The following ERICH3 variants were observed in gnomAD, a reference collection of about 807,000 sequenced individuals.
ERICH3 encodes the protein glutamate rich 3.
ERICH3 carries 126 observed loss-of-function variants against 131.1 expected under a neutral mutation model. That is an observed-to-expected ratio of 0.96 (90% confidence interval 0.83 to 1.11). The LOEUF is 1.11. Ranked by LOEUF, ERICH3 falls within the 50% of genes most tolerant of loss-of-function variation. The pLI is 0.00. For missense variants in ERICH3, 2,050 were observed against 1,810.7 expected (o/e 1.13, Z -2.40); for synonymous variants, 695 against 644.6 (o/e 1.08, Z -1.18).
rs546886748 is a variant in ERICH3, at chr1:74,602,689, G to A, written c.1490-2758C>T. Reference sequence around the variant, plus strand: ...ACACAGAAGAAAGAATTCAGGAAAAGCTTTATCATAGGTATCATGAGTATA... The same window carrying A: ...ACACAGAAGAAAGAATTCAGGAAAAACTTTATCATAGGTATCATGAGTATA... On this transcript the variant is annotated intron_variant, in intron 10 of 14. Coordinates refer to ENST00000326665, the MANE Select transcript of ERICH3 (RefSeq NM_001002912.5). 3.3e-5 allele frequency among the ~76,000 whole-genome samples: 5 copies of A among 151,946 alleles called. No homozygotes were observed. The South Asian group carries it at 1.0e-3, about 32-fold the overall frequency.
chr1:74,606,613 T>A lies in ERICH3; in HGVS notation c.1477A>T (p.Thr493Ser), dbSNP rs1648404633. The change falls in exon 10 of 15, where the codon ACT becomes TCT. Residue 493 changes from threonine (T) to serine (S), a missense_variant. By Grantham distance (58) the Thr-to-Ser change is moderately conservative. Coordinates refer to ENST00000326665, the MANE Select transcript of ERICH3 (RefSeq NM_001002912.5). The stretch of plus-strand genomic sequence containing the variant: ...TGTTGTTGATTACCATATTTTAAAG[T>A]ATTTTCCTGGTCGTCTTCCAAGACT... ...QEVLEDDQEN[T>S]LKYEYEEDFE... is the part of the protein sequence containing the mutation. 6.2e-7 allele frequency: 1 copy of A among 1,606,312 alleles called. No homozygotes were observed. Among genetic ancestry groups the A allele is most frequent in the African/African-American group, 1.3e-5 (1 of 74,302 alleles).
At chr1:74,588,508 T>G (rs1388716641) in intron 12 of ERICH3, among the ~76,000 whole-genome samples, 1 of 152,174 alleles carries the variant, frequency 6.6e-6, no homozygotes, top group African/African-American at 2.4e-5. Context: ...ACAGTAGTTT[T>G]TAAGGGTCTA....
At chr1:74,642,967 GT>G (rs920712842) in intron 4 of ERICH3, 59 bp downstream of exon 4, 318 of 1,299,296 alleles carry the variant, frequency 2.4e-4, no homozygotes, top group Non-Finnish European at 3.3e-4. Flanking sequence ...TAGTTTCACT[GT>G]TTTTTTTAAA....
chr1:74,581,872 T>C (rs538081405), intron 12 of ERICH3, among the ~76,000 whole-genome samples: 159 of 152,284 alleles, frequency 1.0e-3, no homozygotes, highest in Non-Finnish European at 1.6e-3. Flanking sequence ...GCTGAAATAG[T>C]TTCCAATTCC....
intron 9 of ERICH3, among the ~76,000 whole-genome samples, chr1:74,610,852 C>T (rs901394057): frequency 1.1e-4 from 16 of 152,064 alleles, no homozygotes; most frequent in Non-Finnish European, 1.5e-4. Context: ...CCTCAGTCTT[C>T]ATTTTACTTC....
intron 3 of ERICH3, 95 bp from the exon 4 acceptor site, chr1:74,643,193 A>C: frequency 6.1e-6 from 5 of 820,176 alleles, no homozygotes; most frequent in South Asian, 1.7e-5. Context: ...CTATATTCTC[A>C]ATTAGTCCTC....
At chr1:74,611,925 C>T (rs1017754654) in intron 9 of ERICH3, among the ~76,000 whole-genome samples, 1 of 152,102 alleles carries the variant, frequency 6.6e-6, no homozygotes, top group African/African-American at 2.4e-5. Context: ...ACGTTATTAG[C>T]TTTTCCTCCA....
intron 9 of ERICH3, among the ~76,000 whole-genome samples, chr1:74,607,920 T>A (rs1329625593): frequency 6.6e-6 from 1 of 151,946 alleles, no homozygotes; most frequent in Non-Finnish European, 1.5e-5. Context: ...GTACTCTGTA[T>A]CCATTATCTT....
intron 1 of ERICH3, among the ~76,000 whole-genome samples, chr1:74,651,571 C>T (rs1034306371): frequency 5.9e-5 from 9 of 152,074 alleles, no homozygotes; most frequent in African/African-American, 1.9e-4. Flanking sequence ...TTTTCAGCTC[C>T]TCATTTCAGA....
intron 1 of ERICH3, among the ~76,000 whole-genome samples, chr1:74,672,039 A>G (rs1646747390): frequency 6.6e-6 from 1 of 152,226 alleles, no homozygotes; most frequent in Non-Finnish European, 1.5e-5. Flanking sequence ...AACTTCAGAA[A>G]AATTTGACTT....
intron 9 of ERICH3, among the ~76,000 whole-genome samples, chr1:74,609,950 G>A: frequency 6.6e-6 from 1 of 151,938 alleles, no homozygotes; most frequent in East Asian, 1.9e-4. Context: ...GTCAGATTTT[G>A]GTACTGATTA....
At chr1:74,584,008 A>T (rs1481520690) in intron 12 of ERICH3, among the ~76,000 whole-genome samples, 1 of 152,180 alleles carries the variant, frequency 6.6e-6, no homozygotes, top group African/African-American at 2.4e-5. Context: ...CACCATAAAG[A>T]TATGCCCAAC....
At chr1:74,644,286 T>C (rs1403685329) in intron 3 of ERICH3, among the ~76,000 whole-genome samples, 1 of 152,016 alleles carries the variant, frequency 6.6e-6, no homozygotes, top group South Asian at 2.1e-4. Context: ...ACTATCAACC[T>C]TTTTCCACCT....
chr1:74,615,087 G>T (rs2100601709), intron 8 of ERICH3: 1 of 152,306 alleles, frequency 6.6e-6, no homozygotes, highest in East Asian at 1.9e-4. Context: ...CATGTAGCTG[G>T]AGAGTATGCC....
At chr1:74,591,728 C>G (rs567208660) in intron 11 of ERICH3, among the ~76,000 whole-genome samples, 13 of 152,116 alleles carry the variant, frequency 8.5e-5, no homozygotes, top group African/African-American at 3.1e-4. Flanking sequence ...AATAAGGAAG[C>G]TGGACAGCAT....
chr1:74,645,406 ATTAT>A (rs1459016415), intron 3 of ERICH3, among the ~76,000 whole-genome samples: 7 of 151,680 alleles, frequency 4.6e-5, no homozygotes, highest in Admixed American at 2.0e-4. Flanking sequence ...ATGTTTATAT[ATTAT>A]TTATTCTATT....
rs779229927 is a variant in ERICH3 at position 74,572,231 on chromosome 1, G to T, written c.3479C>A (p.Thr1160Lys). 4 of 1,614,050 alleles carry T rather than the reference G, an allele frequency of 2.5e-6. No individual in the cohort carries two copies. Among genetic ancestry groups the T allele is most frequent in the South Asian group, 2.2e-5 (2 of 91,074 alleles). Residue 1160 changes from threonine (T) to lysine (K), a missense_variant, in exon 14 of 15, where the codon ACG (threonine) becomes AAG (lysine). Coordinates refer to ENST00000326665, the MANE Select transcript of ERICH3 (RefSeq NM_001002912.5). ...TTCCAGCGACTTTTCAAATCCAGGC[G>T]TTGCTTCAAATATGGGAACCACTGT... ...KETVVPIFEA[T>K]PGFEKSLENI... is the part of the protein sequence containing the mutation.
At position 74,608,437 on chromosome 1, in the gene ERICH3, C is replaced by A. The variant is rs529353669; in HGVS notation, c.1188-1535G>T. Reference sequence around the variant, plus strand: ...AGAAAGCAGTCAAGACTTGCTAGTCCCAGAAGAATAGAAATAATATGTAAA... The same window carrying A: ...AGAAAGCAGTCAAGACTTGCTAGTCACAGAAGAATAGAAATAATATGTAAA... On this transcript the variant is annotated intron_variant, in intron 9 of 14. Transcript: ENST00000326665. Among the ~76,000 whole-genome samples, 41 of 151,912 alleles carry A rather than the reference C, an allele frequency of 2.7e-4. 1 individual carries two copies. The South Asian group carries it at 7.7e-3, about 28-fold the overall frequency.
chr1:74,672,047 C>T (rs1251133190), intron 1 of ERICH3, among the ~76,000 whole-genome samples: 1 of 152,198 alleles, frequency 6.6e-6, no homozygotes, highest in African/African-American at 2.4e-5. Context: ...AAAAATTTGA[C>T]TTCAGTTTCT....
Sources: gnomAD v4.1 joint callset for allele counts (sites outside exome capture counted in the v4.1 genomes callset) on GRCh38, gnomAD v4.1.1 for gene constraint, MANE v1.5 for transcripts, NCBI Gene and HGNC (gene_info 2026-07-23, HGNC 2026-07-21) for gene names.